Variants in NELFE observed in about 807,000 individuals in gnomAD.
The protein encoded by NELFE is negative elongation factor complex member E.
A neutral mutation model predicts 55.5 loss-of-function variants in NELFE; 26 were observed. That is an observed-to-expected ratio of 0.47 (90% CI 0.34 to 0.65). The LOEUF (loss-of-function observed/expected upper bound fraction) is 0.65, where lower values mean the gene tolerates loss of function less well. Ranked by LOEUF, NELFE falls within the 30% of genes least tolerant of loss-of-function variation. The pLI is 0.01. For synonymous variants in NELFE, 162 were observed against 178.0 expected, an observed-to-expected ratio of 0.91 and a Z score of 0.72; for missense variants, 403 against 506.9, an observed-to-expected ratio of 0.80 and a Z score of 1.97.
At chr6:31,958,166 G>A (rs1010567957) in intron 2 of NELFE, 82 of 606,880 alleles carry the variant, frequency 1.4e-4, no homozygotes, top group Non-Finnish European at 2.9e-5. Flanking sequence ...CATGGGAAAG[G>A]AAGACAATCC....
intron 2 of NELFE, chr6:31,957,284 G>A (rs1231748127): frequency 3.2e-6 from 2 of 622,872 alleles, no homozygotes; most frequent in Non-Finnish European, 5.8e-6. Context: ...AGAATCCTAG[G>A]ATATAAGCTG....
chr6:31,954,397 G>A lies in NELFE; in HGVS notation c.788C>T (p.Thr263Ile), dbSNP rs1771938761. 1 of 1,611,654 alleles carries A rather than the reference G, an allele frequency of 6.2e-7. No individual in the cohort carries two copies. The highest frequency in any genetic ancestry group is 1.3e-5 in the African/African-American group (1 of 74,742). ...PERRAPRKGN[T>I]LYVYGEDMTP... The stretch of plus-strand genomic sequence containing the variant: ...CATGTCTTCTCCATATACATAGAGA[G>A]TATTCCCTTTCCTAGGGGCTCGCCG... The change falls in exon 8 of 11, where the codon ACT becomes ATT. Residue 263 changes from threonine (T) to isoleucine (I), a missense_variant. Coordinates refer to ENST00000375429, the MANE Select transcript of NELFE (RefSeq NM_002904.6). This position sits in a 1 kb window ranked among gnomAD's most constrained non-coding sequence, Gnocchi z 5.5.
intron 3 of NELFE, 27 bp from the exon 4 acceptor site, chr6:31,956,865 A>G (rs995375815): frequency 6.2e-7 from 1 of 1,612,892 alleles, no homozygotes; most frequent in African/African-American, 1.3e-5. Context: ...AAGAGGCATT[A>G]TGTTGGCCAA....
Position 31,956,840 on chromosome 6 carries a change from T to C in NELFE, c.146-2A>G. 2 of 1,613,080 alleles carry C rather than the reference T, an allele frequency of 1.2e-6. No individual in the cohort carries two copies. Among genetic ancestry groups the C allele is most frequent in the Non-Finnish European group, 1.7e-6 (2 of 1,180,034 alleles). On this transcript the variant is annotated splice_acceptor_variant, in intron 3 of 10. Coordinates refer to ENST00000375429, the MANE Select transcript of NELFE (RefSeq NM_002904.6). LOFTEE classifies it high-confidence loss of function. ...CCATGACAGGCTGCTCTGATAGTGC[T>C]GGAGAGACAAGGGGAAGAGGCATTA... is the stretch of plus-strand genomic sequence containing the variant.
chr6:31,953,996 ACTTCT>A (rs1771913807), intron 9 of NELFE, 79 bp downstream of exon 9: 1 of 1,490,664 alleles, frequency 6.7e-7, no homozygotes, highest in African/African-American at 1.4e-5. Context: ...AGAGGAACCA[ACTTCT>A]TCCTGGCATC....
At chr6:31,957,238 T>C (rs1772143396) in intron 2 of NELFE, 2 of 611,738 alleles carry the variant, frequency 3.3e-6, no homozygotes, top group African/African-American at 3.7e-5. Context: ...AGTGTTACAT[T>C]TTTGAAGTTG....
chr6:31,954,441 C>A lies in NELFE; in HGVS notation c.744G>T (p.Arg248Ser). ...CTCGCCGTTCAGGGAATGAATCCGACCCTTTGGGAGCACAAATCATAGTCA... is the reference window on the plus strand; with the variant it reads ...CTCGCCGTTCAGGGAATGAATCCGAACCTTTGGGAGCACAAATCATAGTCA... ...RDRDREGPFR[R>S]SDSFPERRAP... Residue 248 changes from arginine to serine, a missense_variant and splice_region_variant, in exon 8 of 11, where the codon AGG (arginine) becomes AGT (serine). Arg to Ser is a moderately radical substitution (Grantham distance 110). Transcript: ENST00000375429. This position sits in a 1 kb window ranked among gnomAD's most constrained non-coding sequence, Gnocchi z 5.5. The A allele has an allele frequency of 6.3e-7, 1 of 1,596,320 alleles. No homozygotes were observed. The highest frequency in any genetic ancestry group is 1.1e-5 in the South Asian group (1 of 88,746).
chr6:31,953,144 C>T (rs532972161), intron 10 of NELFE, among the ~76,000 whole-genome samples: 3 of 152,200 alleles, frequency 2.0e-5, no homozygotes, highest in African/African-American at 7.2e-5. Flanking sequence ...CCCAGCCCTC[C>T]GACCCCTCCT....
At chr6:31,956,593 A>G (rs1475923154) in intron 4 of NELFE, 100 bp downstream of exon 4, 7 of 1,266,734 alleles carry the variant, frequency 5.5e-6, no homozygotes, top group Admixed American at 4.4e-5. Context: ...AGAATGGTAC[A>G]GCAATTTGCC....
intron 4 of NELFE, among the ~76,000 whole-genome samples, chr6:31,955,513 A>T (rs1246972310): frequency 1.3e-5 from 2 of 150,608 alleles, no homozygotes; most frequent in African/African-American, 4.9e-5. Flanking sequence ...CAATAGAGCA[A>T]TCGTAGCTTG....
At chr6:31,956,164 C>T (rs1244039367) in intron 4 of NELFE, among the ~76,000 whole-genome samples, 6 of 151,858 alleles carry the variant, frequency 4.0e-5, no homozygotes, top group African/African-American at 9.7e-5. Context: ...CTCCTGACCT[C>T]GTGATCCGCC....
In NELFE at chr6:31,955,214, T is replaced by C. The variant is rs767687544; in HGVS notation, c.366+5A>G. Reference sequence around the variant, plus strand: ...CCCTCAGGGACAGAAATTAGGAGCCTTTACCTCTTGCAGGTCATCATCAGC... The same window carrying C: ...CCCTCAGGGACAGAAATTAGGAGCCCTTACCTCTTGCAGGTCATCATCAGC... On this transcript the variant is annotated splice_donor_5th_base_variant and intron_variant, in intron 5 of 10. Transcript: ENST00000375429. 3.1e-6 allele frequency: 5 copies of C among 1,609,756 alleles called. No individual in the cohort carries two copies. The highest frequency in any genetic ancestry group is 2.7e-5 in the African/African-American group (2 of 74,696).
chr6:31,952,696 A>T (rs1246327384), intron 10 of NELFE, among the ~76,000 whole-genome samples: 2 of 152,238 alleles, frequency 1.3e-5, no homozygotes, highest in African/African-American at 4.8e-5. Flanking sequence ...AGAAGCTAAA[A>T]ACTAGAAAAC....
At position 31,956,818 on chromosome 6, in the gene NELFE, T is replaced by C. The variant is rs2151797444; in HGVS notation, c.166A>G (p.Met56Val). Residue 56 changes from methionine to valine, a missense_variant, in exon 4 of 11, where the codon ATG becomes GTG. This residue lies in a region of NELFE where 97 missense variants were observed against 155.3 expected (regional missense o/e 0.62). Transcript: ENST00000375429. ...VKRSLSEQPV[M>V]DTATATEQAK... ...TGCTCTGTTGCTGTGGCTGTGTCCA[T>C]GACAGGCTGCTCTGATAGTGCTGGA... is the stretch of plus-strand genomic sequence containing the variant. The C allele has an allele frequency of 6.2e-7, 1 of 1,613,066 alleles. No homozygotes were observed. The highest frequency in any genetic ancestry group is 8.5e-7 in the Non-Finnish European group (1 of 1,180,030).
rs1183317965 is a variant in NELFE at position 31,954,875 on chromosome 6, T to C, written c.422A>G (p.Asp141Gly). The C allele has an allele frequency of 1.3e-6, 2 of 1,566,090 alleles. No homozygotes were observed. The highest frequency in any genetic ancestry group is 2.7e-5 in the African/African-American group (2 of 73,690). Residue 141 changes from aspartate to glycine, a missense_variant, in exon 7 of 11, where the codon GAT (aspartate) becomes GGT (glycine). Coordinates refer to ENST00000375429, the MANE Select transcript of NELFE (RefSeq NM_002904.6). The surrounding 1 kb of genome is among the most constrained non-coding windows in gnomAD (Gnocchi z 5.5). ...SLYESFVSSSDRLRELGPDGE... is the reference protein window; with the variant it reads ...SLYESFVSSSGRLRELGPDGE... ...ATCTGGTCCTAGTTCTCGAAGTCGA[T>C]CACTAGAAGACACAAAGCTGGGGAG...
Position 31,954,600 on chromosome 6 carries a change from C to T in NELFE, c.697G>A (p.Asp233Asn). 6.3e-7 allele frequency: 1 copy of T among 1,597,400 alleles called. No homozygotes were observed. Among genetic ancestry groups the T allele is most frequent in the Non-Finnish European group, 8.5e-7 (1 of 1,172,162 alleles). The change falls in exon 7 of 11, where the codon GAT becomes AAT. Residue 233 changes from aspartate (D) to asparagine (N), a missense_variant. Physicochemically the swap from Asp to Asn is conservative, Grantham distance 23 (BLOSUM62 1). Transcript: ENST00000375429. The surrounding 1 kb of genome is among the most constrained non-coding windows in gnomAD (Gnocchi z 5.5). ...DRDRDRERDR[D>N]RERDRDRDRE... ...TCTCGGTCTCGATCCCGCTCCCGAT[C>T]CCTGTCCCGTTCCCGGTCTCGATCT...
intron 10 of NELFE, among the ~76,000 whole-genome samples, chr6:31,952,665 A>C (rs1771842944): frequency 6.6e-6 from 1 of 152,182 alleles, no homozygotes; most frequent in Admixed American, 6.5e-5. Context: ...ATATTAACCC[A>C]CTACTTACAG....
intron 2 of NELFE, 78 bp from the exon 3 acceptor site, chr6:31,957,088 A>G (rs1468832928): frequency 7.6e-7 from 1 of 1,310,130 alleles, no homozygotes; most frequent in Non-Finnish European, 1.1e-6. Context: ...CCCTGGGCAC[A>G]TCACTCCAGG....
At position 31,958,872 on chromosome 6, in the gene NELFE, T is replaced by C; in HGVS notation, c.-9+20A>G. On this transcript the variant is annotated intron_variant, in intron 1 of 10. Transcript: ENST00000375429. ...GGCTATGAGAAAAAGGGCCGAAGAG[T>C]GAGAAGCAGAGGGCCTTACCCGAGG... 1.6e-6 allele frequency: 1 copy of C among 608,178 alleles called. No individual in the cohort carries two copies. Among genetic ancestry groups the C allele is most frequent in the Admixed American group, 2.8e-5 (1 of 35,424 alleles). 37.7% of individuals were successfully genotyped at this position (608,178 alleles called of 1,614,324 possible).
Sources: gnomAD v4.1 joint callset for allele counts (sites outside exome capture counted in the v4.1 genomes callset) on GRCh38, gnomAD v4.1.1 for gene constraint, gnomAD v4.1.1 regional missense constraint, Gnocchi (gnomAD v3.1) non-coding constraint, MANE v1.5 for transcripts, NCBI Gene and HGNC (gene_info 2026-07-23, HGNC 2026-07-21) for gene names.